Variants in CACNA2D3 observed in about 807,000 individuals in gnomAD.
The protein encoded by CACNA2D3 is calcium voltage-gated channel auxiliary subunit alpha2delta 3.
CACNA2D3 carries 60 observed loss-of-function variants against 160.6 expected under a neutral mutation model. The ratio of observed to expected loss-of-function variants is 0.37; its 90% CI spans 0.30 to 0.46. The LOEUF is 0.46. Among genes scored for constraint, CACNA2D3 ranks in the 20% least tolerant of loss-of-function variants. The pLI, the probability that CACNA2D3 is intolerant of heterozygous loss-of-function variation, is 1.00. For missense variants in CACNA2D3, 1,205 were observed against 1,365.0 expected (o/e 0.88, Z 1.85); for synonymous variants, 558 against 492.9 (o/e 1.13, Z -1.75).
chr3:54,785,029 C>G (rs1312354087), intron 13 of CACNA2D3, among the ~76,000 whole-genome samples: 2 of 152,122 alleles, frequency 1.3e-5, no homozygotes, highest in African/African-American at 4.8e-5. Context: ...ACAAACAGAA[C>G]AAATCTAGCA....
At chr3:54,236,879 G>A (rs147942875) in intron 2 of CACNA2D3, among the ~76,000 whole-genome samples, 84 of 152,118 alleles carry the variant, frequency 5.5e-4, no homozygotes, top group Middle Eastern at 3.4e-3. Context: ...CATGAATATC[G>A]TAGTATATCA....
chr3:54,987,037 C>G (rs768308837), intron 30 of CACNA2D3, among the ~76,000 whole-genome samples: 7 of 152,122 alleles, frequency 4.6e-5, no homozygotes, highest in Admixed American at 3.9e-4. Context: ...TGCAAAGCTT[C>G]GAATGACCTT....
intron 4 of CACNA2D3, among the ~76,000 whole-genome samples, chr3:54,417,450 T>G (rs1485372281): frequency 1.3e-5 from 2 of 152,192 alleles, no homozygotes; most frequent in Non-Finnish European, 2.9e-5. Context: ...GGGACTAGTT[T>G]ATTTTCTTTC....
chr3:54,804,634 C>G (rs1264337306), intron 13 of CACNA2D3, among the ~76,000 whole-genome samples: 1 of 152,144 alleles, frequency 6.6e-6, no homozygotes, highest in Admixed American at 6.6e-5. Flanking sequence ...TAATATTAGA[C>G]AGATCAACGA....
intron 13 of CACNA2D3, among the ~76,000 whole-genome samples, chr3:54,794,841 A>G (rs565107444): frequency 4.9e-4 from 75 of 152,038 alleles, no homozygotes; most frequent in African/African-American, 1.8e-3. Flanking sequence ...TTGTTATGAT[A>G]TGTTTTCAGC....
intron 2 of CACNA2D3, among the ~76,000 whole-genome samples, chr3:54,241,091 A>G (rs552860119): frequency 6.6e-6 from 1 of 152,332 alleles, no homozygotes; most frequent in East Asian, 1.9e-4. Flanking sequence ...TGCCCTCAAA[A>G]TAGAACTTGA....
intron 5 of CACNA2D3, among the ~76,000 whole-genome samples, chr3:54,533,794 AGTGTGTGTGTGTGTGT>A (rs61234075): frequency 5.0e-4 from 75 of 149,860 alleles, no homozygotes; most frequent in African/African-American, 1.8e-3. Flanking sequence ...AATGGAAAAT[AGTGTGTGTGTGTGTGT>A]GTGTGTGTGT....
At chr3:54,418,604 A>T (rs1699793336) in intron 4 of CACNA2D3, among the ~76,000 whole-genome samples, 3 of 152,162 alleles carry the variant, frequency 2.0e-5, no homozygotes. Flanking sequence ...GTAGATATTC[A>T]CCTTTGAGGA....
intron 4 of CACNA2D3, among the ~76,000 whole-genome samples, chr3:54,394,252 G>T (rs1189129756): frequency 6.6e-6 from 1 of 151,504 alleles, no homozygotes; most frequent in African/African-American, 2.4e-5. Flanking sequence ...CTGCTTGGTT[G>T]TGCCCCAGAA....
intron 35 of CACNA2D3, among the ~76,000 whole-genome samples, chr3:55,021,599 T>TTATA (rs56044949): frequency 0.024 from 3,349 of 141,566 alleles, 168 homozygotes; most frequent in African/African-American, 0.083. Flanking sequence ...CATCTCTAAA[T>TTATA]TATATATATA....
At chr3:54,715,774 A>G (rs950061229) in intron 11 of CACNA2D3, among the ~76,000 whole-genome samples, 1 of 152,174 alleles carries the variant, frequency 6.6e-6, no homozygotes, top group Non-Finnish European at 1.5e-5. Flanking sequence ...TTCAGCCATA[A>G]AAAAGAGGGA....
At chr3:54,292,656 A>G (rs537180313) in intron 2 of CACNA2D3, among the ~76,000 whole-genome samples, 42 of 152,338 alleles carry the variant, frequency 2.8e-4, no homozygotes, top group Non-Finnish European at 4.4e-4. Flanking sequence ...TAGGATGACT[A>G]TAACCAAAAA....
chr3:54,581,642 A>G (rs771280096), intron 8 of CACNA2D3, among the ~76,000 whole-genome samples, 161 bp from the exon 9 acceptor site: 18 of 152,236 alleles, frequency 1.2e-4, no homozygotes, highest in Non-Finnish European at 2.1e-4. Context: ...ACATAATCAT[A>G]GTTGTCTAGA....
At chr3:54,925,144 A>G (rs545433864) in intron 27 of CACNA2D3, 16 of 1,614,128 alleles carry the variant, frequency 9.9e-6, no homozygotes, top group Non-Finnish European at 1.1e-5. Context: ...GATGACTGAC[A>G]GTAACACTTG....
intron 4 of CACNA2D3, among the ~76,000 whole-genome samples, chr3:54,500,065 C>T (rs551664234): frequency 1.3e-4 from 20 of 152,222 alleles, no homozygotes; most frequent in East Asian, 1.9e-4. Flanking sequence ...TGTATTTTAA[C>T]GCTGTGCTGT....
At chr3:54,939,165 A>T (rs1333215427) in intron 27 of CACNA2D3, among the ~76,000 whole-genome samples, 1 of 152,210 alleles carries the variant, frequency 6.6e-6, no homozygotes, top group Non-Finnish European at 1.5e-5. Context: ...CCAACATCTG[A>T]AACTCTTACA....
At chr3:54,281,306 G>A (rs1483632688) in intron 2 of CACNA2D3, among the ~76,000 whole-genome samples, 1 of 152,228 alleles carries the variant, frequency 6.6e-6, no homozygotes, top group African/African-American at 2.4e-5. Context: ...ATATTTTTAT[G>A]TAGATTCTTG....
chr3:54,134,469 C>T (rs1035272233), intron 2 of CACNA2D3, among the ~76,000 whole-genome samples: 3 of 152,150 alleles, frequency 2.0e-5, no homozygotes, highest in Non-Finnish European at 2.9e-5. Context: ...GGAATAGCCG[C>T]CCAGCCTTTT....
chr3:54,326,117 C>T (rs1704115732), intron 3 of CACNA2D3, among the ~76,000 whole-genome samples: 1 of 152,176 alleles, frequency 6.6e-6, no homozygotes, highest in African/African-American at 2.4e-5. Flanking sequence ...CATCAGTCCA[C>T]CGATAGGGGT....
Sources: allele counts gnomAD v4.1 joint callset (sites outside exome capture counted in the v4.1 genomes callset), GRCh38; gene constraint gnomAD v4.1.1; transcripts MANE v1.5; gene names NCBI Gene and HGNC (gene_info 2026-07-23, HGNC 2026-07-21).